PCDHA1: variants seen among roughly 807,000 people sequenced by gnomAD.
The protein encoded by PCDHA1 is protocadherin alpha 1, also known as protocadherin alpha-1.
PCDHA1 carries 42 observed loss-of-function variants against 61.3 expected under a neutral mutation model. The ratio of observed to expected loss-of-function variants is 0.69; its 90% CI spans 0.54 to 0.89. The LOEUF is 0.89. PCDHA1 is among the 40% of genes least tolerant of loss of function. The pLI is 0.00. For missense variants in PCDHA1, 1,256 were observed against 1,235.3 expected (o/e 1.02, Z -0.25); for synonymous variants, 610 against 553.8 (o/e 1.10, Z -1.43).
chr5:140,842,949 C>A lies in PCDHA1; in HGVS notation c.2394+54265C>A, dbSNP rs2150348537. ...GTGAGCGCGCGCGACGCGGGCGTGC[C>A]GCCTCTGGGCAGCAACGTGACGCTG... On this transcript the variant is annotated intron_variant, in intron 1 of 3. Coordinates refer to ENST00000504120, the MANE Select transcript of PCDHA1 (RefSeq NM_018900.4). 3.3e-3 allele frequency: 5,193 copies of A among 1,594,666 alleles called. 424 individuals are homozygous for A. The African/African-American group carries it at 0.061, about 19-fold the overall frequency.
chr5:140,961,805 G>A (rs1554225601), intron 1 of PCDHA1, among the ~76,000 whole-genome samples: 1 of 151,810 alleles, frequency 6.6e-6, no homozygotes, highest in African/African-American at 2.4e-5. Context: ...AGGAAATTGG[G>A]TTCTCTAGTC....
Position 140,787,516 on chromosome 5 carries a change from T to C in PCDHA1, c.1226T>C (p.Leu409Ser), listed in dbSNP as rs375282135. ...TTCAAGAATTACTACTCGTTGGTGTTGGACAGCGCCCTGGATCGCGAGAGC... is the reference window on the plus strand; with the variant it reads ...TTCAAGAATTACTACTCGTTGGTGTCGGACAGCGCCCTGGATCGCGAGAGC... Reference protein sequence around the residue: ...STFKNYYSLVLDSALDRESLS... With the variant: ...STFKNYYSLVSDSALDRESLS... Residue 409 changes from leucine (L) to serine (S), a missense_variant, in exon 1 of 4, where the codon TTG (leucine) becomes TCG (serine). Leu to Ser is a moderately radical substitution (Grantham distance 145). Transcript: ENST00000504120. The C allele has an allele frequency of 1.9e-6, 3 of 1,614,098 alleles. No homozygotes were observed. In the African/African-American group the frequency reaches 4.0e-5, roughly 22 times the overall value.
At chr5:141,006,375 CTAAG>C (rs2098270775) in intron 3 of PCDHA1, among the ~76,000 whole-genome samples, 1 of 151,930 alleles carries the variant, frequency 6.6e-6, no homozygotes, top group Admixed American at 6.6e-5. Flanking sequence ...CCACGCCCGG[CTAAG>C]TTTTTTCTAT....
intron 1 of PCDHA1, among the ~76,000 whole-genome samples, chr5:140,960,928 AAGTTT>A (rs2095579865): frequency 6.6e-6 from 1 of 152,184 alleles, no homozygotes; most frequent in South Asian, 2.1e-4. Context: ...AATTGGTACT[AAGTTT>A]AGTGAATTAG....
intron 3 of PCDHA1, among the ~76,000 whole-genome samples, chr5:140,995,400 C>T (rs2097681723): frequency 6.6e-6 from 1 of 152,062 alleles, no homozygotes; most frequent in Admixed American, 6.6e-5. Flanking sequence ...CGGGATGGCT[C>T]GAGATTTCAT....
chr5:140,875,924 A>G (rs782181544), intron 1 of PCDHA1: 5 of 1,613,936 alleles, frequency 3.1e-6, no homozygotes, highest in Non-Finnish European at 4.2e-6. Context: ...CTGGACTCTC[A>G]TTTTCCTCTA....
intron 1 of PCDHA1, chr5:140,801,697 T>C: frequency 1.2e-6 from 2 of 1,614,170 alleles, no homozygotes; most frequent in Non-Finnish European, 1.7e-6. Context: ...ACAAATTCGT[T>C]GTTGACTTAC....
At chr5:140,859,459 C>G (rs1379028308) in intron 1 of PCDHA1, 1 of 216,756 alleles carries the variant, frequency 4.6e-6, no homozygotes, top group Non-Finnish European at 8.9e-6. Context: ...AGTGACAAAA[C>G]TACACTATCA....
chr5:140,875,938 G>A (rs375005102), intron 1 of PCDHA1: 5 of 1,614,020 alleles, frequency 3.1e-6, no homozygotes, highest in Middle Eastern at 1.6e-4. Flanking sequence ...TCCTCTAGAG[G>A]GCGCTTCTGA....
At chr5:140,948,979 G>T (rs2094330965) in intron 1 of PCDHA1, among the ~76,000 whole-genome samples, 1 of 151,514 alleles carries the variant, frequency 6.6e-6, no homozygotes, top group South Asian at 2.1e-4. Flanking sequence ...AGTATGAACT[G>T]CTTTATTTGC....
intron 1 of PCDHA1, chr5:140,851,460 T>A (rs1270613439): frequency 1.0e-5 from 9 of 901,620 alleles, no homozygotes; most frequent in Non-Finnish European, 1.2e-5. Flanking sequence ...GGAATCAAAT[T>A]ATGTCAATAA....
intron 1 of PCDHA1, chr5:140,882,249 T>C (rs1412428548): frequency 6.3e-7 from 1 of 1,595,264 alleles, no homozygotes; most frequent in Non-Finnish European, 8.5e-7. Flanking sequence ...CAGATAGCTC[T>C]GAGGTTTTTG....
intron 1 of PCDHA1, chr5:140,875,473 A>T: frequency 1.2e-6 from 2 of 1,606,460 alleles, no homozygotes; most frequent in Non-Finnish European, 1.7e-6. Flanking sequence ...ATTTTCTGCA[A>T]TGGTGATTAT....
At position 140,788,430 on chromosome 5, in the gene PCDHA1, A is replaced by C; in HGVS notation, c.2140A>C (p.Thr714Pro). Residue 714 changes from threonine (T) to proline (P), a missense_variant, in exon 1 of 4, where the codon ACA becomes CCA. By Grantham distance (38) the Thr-to-Pro change is conservative. Coordinates refer to ENST00000504120, the MANE Select transcript of PCDHA1 (RefSeq NM_018900.4). The part of the protein sequence containing the change: ...ICAVSSLLVL[T>P]LLLYTALRCS... The stretch of plus-strand genomic sequence containing the variant: ...CGCGGTGTCCAGCCTGCTGGTGCTC[A>C]CACTGCTGCTGTACACGGCGCTGCG... The C allele has an allele frequency of 1.2e-6, 2 of 1,614,092 alleles. No individual in the cohort carries two copies. The highest frequency in any genetic ancestry group is 1.7e-6 in the Non-Finnish European group (2 of 1,179,982).
chr5:140,831,488 T>TAGC (rs2150194785), intron 1 of PCDHA1, among the ~76,000 whole-genome samples: 86,389 of 148,520 alleles, frequency 0.58, 25,934 homozygotes, highest in African/African-American at 0.72. Context: ...GCCTCTGGAG[T>TAGC]TACTACACAC....
chr5:140,828,709 T>C, intron 1 of PCDHA1: 2 of 1,614,254 alleles, frequency 1.2e-6, no homozygotes, highest in Non-Finnish European at 8.5e-7. Flanking sequence ...AGGAAGCTCC[T>C]GCACACAACT....
intron 1 of PCDHA1, chr5:140,805,640 T>C (rs17286787): frequency 0.065 from 55,694 of 861,106 alleles, 1,873 homozygotes; most frequent in Non-Finnish European, 0.071. Flanking sequence ...GGTTTATTTA[T>C]TGGGAAGTCT....
At chr5:140,926,185 GCAGCACTT>G (rs1563077744) in intron 1 of PCDHA1, among the ~76,000 whole-genome samples, 1 of 151,672 alleles carries the variant, frequency 6.6e-6, no homozygotes, top group East Asian at 1.9e-4. Flanking sequence ...AAAGCCCCCC[GCAGCACTT>G]CTTTCGGGGG....
intron 1 of PCDHA1, chr5:140,812,047 C>T (rs140819853): frequency 1.7e-4 from 20 of 120,280 alleles, no homozygotes; most frequent in African/African-American, 5.8e-4. Flanking sequence ...GTTCCCTCTC[C>T]TTCAATTTTT....
Sources: gnomAD v4.1 joint callset for allele counts (sites outside exome capture counted in the v4.1 genomes callset) on GRCh38, gnomAD v4.1.1 for gene constraint, MANE v1.5 for transcripts, NCBI Gene and HGNC (gene_info 2026-07-23, HGNC 2026-07-21) for gene names.